The following COBLL1 variants were observed in gnomAD, a reference collection of about 807,000 sequenced individuals.
COBLL1 encodes the protein cordon-bleu WH2 repeat protein like 1.
A neutral mutation model predicts 94.8 loss-of-function variants in COBLL1; 50 were observed. The ratio of observed to expected loss-of-function variants is 0.53; its 90% CI spans 0.42 to 0.67. COBLL1 has a LOEUF of 0.67. Ranked by LOEUF, COBLL1 falls within the 30% of genes least tolerant of loss-of-function variation. The pLI, the probability that COBLL1 is intolerant of heterozygous loss-of-function variation, is 0.00. For synonymous variants in COBLL1, 448 were observed against 473.8 expected (o/e 0.95, Z 0.71); for missense variants, 1,362 against 1,348.7 (o/e 1.01, Z -0.15).
At position 164,813,871 on chromosome 2, in the gene COBLL1, A is replaced by G. The variant is rs539512119; in HGVS notation, c.41+27285T>C. Among the ~76,000 whole-genome samples, 110 of 152,322 alleles carry G rather than the reference A, an allele frequency of 7.2e-4. No homozygotes were observed. In the South Asian group the frequency reaches 0.016, roughly 22 times the overall value. ...GGAAATAAAATTTTAAGATCTTACC[A>G]GCATGTGCTTTACACAGCTCTGCAA... is the stretch of plus-strand genomic sequence containing the variant. On this transcript the variant is annotated intron_variant, in intron 2 of 13. Transcript: ENST00000652658.
chr2:164,735,553 T>A (rs557708014), intron 3 of COBLL1, among the ~76,000 whole-genome samples: 92 of 152,008 alleles, frequency 6.1e-4, no homozygotes, highest in African/African-American at 2.2e-3. Context: ...TGTCTAGCTT[T>A]ACCATAAAGG....
intron 9 of COBLL1, among the ~76,000 whole-genome samples, chr2:164,702,317 A>G (rs990925504): frequency 6.6e-6 from 1 of 151,994 alleles, no homozygotes; most frequent in Non-Finnish European, 1.5e-5. Flanking sequence ...TAATCCCAGC[A>G]CTTTGGGAGG....
intron 2 of COBLL1, among the ~76,000 whole-genome samples, chr2:164,818,589 C>A (rs111208248): frequency 0.022 from 3,272 of 146,032 alleles, 132 homozygotes; most frequent in African/African-American, 0.08. Flanking sequence ...TACATATGTA[C>A]ACATATATAG....
rs60319228 is a variant in COBLL1, at chr2:164,786,825, T to C, written c.42-42950A>G. Among the ~76,000 whole-genome samples the C allele has an allele frequency of 3.8e-3, 586 of 152,268 alleles. 5 individuals are homozygous for C. Among genetic ancestry groups the C allele is most frequent in the African/African-American group, 0.014 (563 of 41,556 alleles). On this transcript the variant is annotated intron_variant, in intron 2 of 13. Transcript: ENST00000652658. ...TCCCAAAAAGCTTGGTACACCATTC[T>C]TAACATTTTCTATGACAGCATCCTC...
chr2:164,763,072 G>T (rs1479263590), intron 2 of COBLL1, among the ~76,000 whole-genome samples: 1 of 152,098 alleles, frequency 6.6e-6, no homozygotes, highest in Non-Finnish European at 1.5e-5. Flanking sequence ...TAATCTATGA[G>T]TGCTTTCACA....
chr2:164,680,942 T>C lies in COBLL1; in HGVS notation c.*5004A>G, dbSNP rs1313968470. The C allele has an allele frequency of 6.6e-6, 1 of 152,082 alleles. No homozygotes were observed. Among genetic ancestry groups the C allele is most frequent in the Non-Finnish European group, 1.5e-5 (1 of 68,014 alleles). The allele number at this position is 152,082 out of a possible 1,614,324, so 9.4% of individuals were successfully genotyped here. On this transcript the variant is annotated 3_prime_UTR_variant, in exon 14 of 14. Coordinates refer to ENST00000652658, the MANE Select transcript of COBLL1 (RefSeq NM_001365672.2). ...GAAAACTATAGAGAAAGGGAGAGAA[T>C]ATACTTTTGCACTACGACTAAGAAA...
At chr2:164,749,109 G>T (rs944125131) in intron 2 of COBLL1, among the ~76,000 whole-genome samples, 1 of 151,946 alleles carries the variant, frequency 6.6e-6, no homozygotes, top group Non-Finnish European at 1.5e-5. Flanking sequence ...GATAAAAAGA[G>T]GAAATAAAAG....
At chr2:164,817,921 T>G (rs1462265294) in intron 2 of COBLL1, among the ~76,000 whole-genome samples, 1 of 152,182 alleles carries the variant, frequency 6.6e-6, no homozygotes, top group Non-Finnish European at 1.5e-5. Context: ...TTAGCCCAGT[T>G]TCTGGCATAA....
At chr2:164,750,310 C>A (rs1010418149) in intron 2 of COBLL1, among the ~76,000 whole-genome samples, 1 of 152,106 alleles carries the variant, frequency 6.6e-6, no homozygotes, top group Non-Finnish European at 1.5e-5. Context: ...TATATTATTC[C>A]CCATCTCTAC....
intron 2 of COBLL1, among the ~76,000 whole-genome samples, chr2:164,838,117 T>G (rs10167887): frequency 0.2 from 30,648 of 152,118 alleles, 3,189 homozygotes; most frequent in Middle Eastern, 0.28. Flanking sequence ...ATCAGACCCT[T>G]TTAAGGCAGG....
intron 5 of COBLL1, chr2:164,722,949 T>C (rs956766490): frequency 1.2e-4 from 19 of 152,542 alleles, no homozygotes; most frequent in African/African-American, 4.6e-4. Flanking sequence ...ATGAAATATC[T>C]TATTCTACAA....
chr2:164,743,827 A>G lies in COBLL1; in HGVS notation c.90T>C (p.Tyr30=), dbSNP rs1686721943. 1 of 1,610,430 alleles carries G rather than the reference A, an allele frequency of 6.2e-7. No homozygotes were observed. The highest frequency in any genetic ancestry group is 2.2e-5 in the East Asian group (1 of 44,774). The change falls in exon 3 of 14, where the codon TAT becomes TAC. Residue 30 remains tyrosine, a synonymous_variant. Transcript: ENST00000652658. ...KAPLPPAETK[Y]TDVSSAADSV... ...AATCAGCAGCTGAAGAGACATCAGTATATTTGGTCTCAGCTGGAGGAAGTG... is the reference window on the plus strand; with the variant it reads ...AATCAGCAGCTGAAGAGACATCAGTGTATTTGGTCTCAGCTGGAGGAAGTG...
At chr2:164,725,624 T>C (rs1384524711) in intron 5 of COBLL1, among the ~76,000 whole-genome samples, 2 of 151,966 alleles carry the variant, frequency 1.3e-5, no homozygotes, top group Admixed American at 6.6e-5. Context: ...TTGCCATGTT[T>C]CCCAGGCTGG....
Position 164,681,302 on chromosome 2 carries a change from C to T in COBLL1, c.*4644G>A, listed in dbSNP as rs1683030850. 6.6e-6 allele frequency: 1 copy of T among 152,018 alleles called. No homozygotes were observed. The highest frequency in any genetic ancestry group is 1.5e-5 in the Non-Finnish European group (1 of 68,006). 9.4% of individuals were successfully genotyped at this position (152,018 alleles called of 1,614,324 possible). ...CTGGCCTCAGTTGGGAGCTCTGCTCCCTGCATCTCTCATCCTTTTCTTAGG... is the reference window on the plus strand; with the variant it reads ...CTGGCCTCAGTTGGGAGCTCTGCTCTCTGCATCTCTCATCCTTTTCTTAGG... On this transcript the variant is annotated 3_prime_UTR_variant, in exon 14 of 14. Transcript: ENST00000652658.
intron 2 of COBLL1, among the ~76,000 whole-genome samples, chr2:164,803,582 T>TAAAATA (rs145038455): frequency 0.011 from 1,672 of 146,352 alleles, 18 homozygotes; most frequent in African/African-American, 0.027. Flanking sequence ...AATAAATAAA[T>TAAAATA]AAATAAAATA....
chr2:164,678,993 T>C (rs772453781), downstream of COBLL1, among the ~76,000 whole-genome samples: 20 of 151,904 alleles, frequency 1.3e-4, no homozygotes, highest in Non-Finnish European at 2.5e-4. Context: ...GCCCTCAGAG[T>C]CTTTCCTCTT....
chr2:164,703,162 C>T (rs776072073), intron 9 of COBLL1: 1 of 1,613,930 alleles, frequency 6.2e-7, no homozygotes, highest in Non-Finnish European at 8.5e-7. Flanking sequence ...CAGAGGTTTC[C>T]TCCATCAGTT....
rs150229591 is a variant in COBLL1, at chr2:164,742,284, A to G, written c.230+1403T>C. Among the ~76,000 whole-genome samples the G allele has an allele frequency of 5.9e-5, 9 of 152,290 alleles. No homozygotes were observed. The East Asian group carries it at 7.7e-4, about 13-fold the overall frequency. On this transcript the variant is annotated intron_variant, in intron 3 of 13. Coordinates refer to ENST00000652658, the MANE Select transcript of COBLL1 (RefSeq NM_001365672.2). The stretch of plus-strand genomic sequence containing the variant: ...TTACATCCCTAAGAAGAAATTTTCA[A>G]GAGTATTTGTGATGAAACCAACATC...
At chr2:164,818,311 TACAC>T in intron 2 of COBLL1, among the ~76,000 whole-genome samples, 1 of 147,572 alleles carries the variant, frequency 6.8e-6, no homozygotes, top group African/African-American at 2.5e-5. Flanking sequence ...TGTATACATA[TACAC>T]GTGTGTATGT....
Sources: allele counts gnomAD v4.1 joint callset (sites outside exome capture counted in the v4.1 genomes callset), GRCh38; gene constraint gnomAD v4.1.1; transcripts MANE v1.5; gene names NCBI Gene and HGNC (gene_info 2026-07-23, HGNC 2026-07-21).